The following PRMT7 variants were observed in gnomAD, a reference collection of about 807,000 sequenced individuals.
PRMT7 encodes the protein protein arginine N-methyltransferase 7.
Under a neutral mutation model 85.4 loss-of-function variants are expected in PRMT7, and 75 were observed. The ratio of observed to expected loss-of-function variants is 0.88; its 90% confidence interval spans 0.73 to 1.06. PRMT7 has a LOEUF of 1.06. PRMT7 is among the 50% of genes least tolerant of loss of function. PRMT7 has a pLI of 0.00. For synonymous variants in PRMT7, 397 were observed against 359.5 expected (o/e 1.10, Z -1.18); for missense variants, 868 against 915.2 (o/e 0.95, Z 0.67).
At position 68,348,418 on chromosome 16, in the gene PRMT7, T is replaced by G; in HGVS notation, c.1400T>G (p.Leu467Arg). The G allele has an allele frequency of 6.2e-7, 1 of 1,610,934 alleles. No individual in the cohort carries two copies. Among genetic ancestry groups the G allele is most frequent in the East Asian group, 2.2e-5 (1 of 44,862 alleles). Residue 467 changes from leucine to arginine, a missense_variant, in exon 14 of 19, where the codon CTA (leucine) becomes CGA (arginine). Coordinates refer to ENST00000441236, the MANE Select transcript of PRMT7 (RefSeq NM_019023.5). ...KRPELLTNEDLQGRKVSLLLG... is the reference protein window; with the variant it reads ...KRPELLTNEDRQGRKVSLLLG... Reference sequence around the variant, plus strand: ...CCGGAATTATTAACAAATGAGGACCTACAGGGCAGAAAGGTGAGTAGCGGG... The same window carrying G: ...CCGGAATTATTAACAAATGAGGACCGACAGGGCAGAAAGGTGAGTAGCGGG...
intron 3 of PRMT7, among the ~76,000 whole-genome samples, chr16:68,316,493 C>T (rs2081874676): frequency 6.6e-6 from 1 of 152,162 alleles, no homozygotes; most frequent in Admixed American, 6.5e-5. Context: ...TGGCCAGGCG[C>T]AGTGGCTCAC....
intron 3 of PRMT7, among the ~76,000 whole-genome samples, chr16:68,319,896 C>T (rs188383562): frequency 3.3e-5 from 5 of 152,256 alleles, no homozygotes; most frequent in South Asian, 4.1e-4. Context: ...ATCCCGACCC[C>T]GCCTGAGGGT....
intron 4 of PRMT7, chr16:68,321,669 CAAAT>C (rs1369034455): frequency 2.1e-6 from 1 of 487,270 alleles, no homozygotes; most frequent in African/African-American, 2.0e-5. Flanking sequence ...ATAGAACTGA[CAAAT>C]AAAAATGGTC....
chr16:68,337,816 A>T (rs927708814), intron 7 of PRMT7, among the ~76,000 whole-genome samples: 2 of 152,248 alleles, frequency 1.3e-5, no homozygotes, highest in African/African-American at 2.4e-5. Flanking sequence ...AAGTTCAGCA[A>T]ATATTCTCAG....
At chr16:68,331,904 G>T (rs911219351) in intron 6 of PRMT7, among the ~76,000 whole-genome samples, 11 of 151,888 alleles carry the variant, frequency 7.2e-5, no homozygotes, top group Non-Finnish European at 1.3e-4. Context: ...CTTATCTTCT[G>T]TTCCCACCAT....
In PRMT7 at chr16:68,339,550, C is replaced by T. The variant is rs764148997; in HGVS notation, c.733C>T (p.Leu245=). The part of the protein sequence containing the change: ...PADFTVLSDV[L]PMFSIDFSKQ... ...CGACTTTACAGTCCTCAGCGATGTG[C>T]TGCCCATGTTCAGGTACCAAGGAGC... The change falls in exon 8 of 19, where the codon CTG becomes TTG. Residue 245 remains leucine (L), a synonymous_variant. Transcript: ENST00000441236. 10 of 1,613,562 alleles carry T rather than the reference C, an allele frequency of 6.2e-6. No individual in the cohort carries two copies. The Admixed American group carries it at 1.7e-4, about 27-fold the overall frequency.
At chr16:68,337,428 A>G in intron 6 of PRMT7, 31 bp from the exon 7 acceptor site, 1 of 1,494,192 alleles carries the variant, frequency 6.7e-7, no homozygotes, top group Non-Finnish European at 9.3e-7. Flanking sequence ...TCTGTTGCTT[A>G]TGTCCAACTC....
chr16:68,311,226 G>T, intron 1 of PRMT7, 127 bp downstream of exon 1: 1 of 504,492 alleles, frequency 2.0e-6, no homozygotes, highest in Non-Finnish European at 3.6e-6. Context: ...TCCTCCGCGT[G>T]GGGCAGCTCG....
intron 16 of PRMT7, chr16:68,354,491 A>AT (rs1280683263): frequency 2.0e-5 from 3 of 152,182 alleles, no homozygotes; most frequent in African/African-American, 7.2e-5. Context: ...TTCTGCTCTC[A>AT]TTTTCCCATA....
chr16:68,331,641 A>C (rs545761878), intron 6 of PRMT7, among the ~76,000 whole-genome samples: 1 of 151,838 alleles, frequency 6.6e-6, no homozygotes, highest in South Asian at 2.1e-4. Context: ...CTAACTTAAA[A>C]AAAATTTTTT....
At chr16:68,328,400 G>A (rs2083393833) in intron 5 of PRMT7, 1 of 151,218 alleles carries the variant, frequency 6.6e-6, no homozygotes, top group African/African-American at 2.4e-5. Flanking sequence ...TATAAAGTGT[G>A]TCTTTCTGAG....
intron 14 of PRMT7, 24 bp downstream of exon 14, chr16:68,348,455 C>T (rs1052024100): frequency 7.0e-6 from 11 of 1,571,440 alleles, no homozygotes; most frequent in South Asian, 1.1e-5. Context: ...GCCTTTTGGC[C>T]ACGCTGGGCT....
chr16:68,339,572 G>A lies in PRMT7; in HGVS notation c.746+9G>A, dbSNP rs754751837. On this transcript the variant is annotated intron_variant, in intron 8 of 18. Transcript: ENST00000441236. ...GTGCTGCCCATGTTCAGGTACCAAG[G>A]AGCCACCATAGGTGATGGCGCTTTG... 4 of 1,612,420 alleles carry A rather than the reference G, an allele frequency of 2.5e-6. No individual in the cohort carries two copies. Among genetic ancestry groups the A allele is most frequent in the African/African-American group, 1.3e-5 (1 of 74,922 alleles).
intron 5 of PRMT7, among the ~76,000 whole-genome samples, chr16:68,326,477 C>G (rs1025695946): frequency 6.6e-6 from 1 of 152,202 alleles, no homozygotes; most frequent in Non-Finnish European, 1.5e-5. Context: ...AATTCCTGAT[C>G]TCAGGGGATC....
intron 4 of PRMT7, among the ~76,000 whole-genome samples, chr16:68,323,306 C>G (rs1310210807): frequency 4.0e-5 from 6 of 151,396 alleles, no homozygotes; most frequent in African/African-American, 7.3e-5. Context: ...GCAACCTCCA[C>G]CTCCCGAGTT....
Position 68,356,691 on chromosome 16 carries a change from T to A in PRMT7, c.1812-10T>A, listed in dbSNP as rs1235260702. Reference sequence around the variant, plus strand: ...TGACTACTTCTGCTGGGCCCCCCTCTCCTTGACAGGCCCGGGCAGAGCCAC... The same window carrying A: ...TGACTACTTCTGCTGGGCCCCCCTCACCTTGACAGGCCCGGGCAGAGCCAC... On this transcript the variant is annotated splice_polypyrimidine_tract_variant and intron_variant, in intron 17 of 18. Coordinates refer to ENST00000441236, the MANE Select transcript of PRMT7 (RefSeq NM_019023.5). 2 of 1,609,428 alleles carry A rather than the reference T, an allele frequency of 1.2e-6. No homozygotes were observed. Among genetic ancestry groups the A allele is most frequent in the Non-Finnish European group, 1.7e-6 (2 of 1,178,052 alleles).
chr16:68,359,349 G>T (rs1377620972), downstream of PRMT7: 1 of 152,436 alleles, frequency 6.6e-6, no homozygotes, highest in East Asian at 1.9e-4. Flanking sequence ...GAGCCCAGCA[G>T]GATGCTCGCC....
At chr16:68,355,644 GGGA>G in intron 16 of PRMT7, 76 bp from the exon 17 acceptor site, 1 of 1,376,884 alleles carries the variant, frequency 7.3e-7, no homozygotes, top group Non-Finnish European at 9.5e-7. Flanking sequence ...TGCAGTCAGT[GGGA>G]GCCAAGCCGG....
chr16:68,347,675 A>G lies in PRMT7; in HGVS notation c.1320A>G (p.Arg440=), dbSNP rs2086624180. The G allele has an allele frequency of 6.2e-7, 1 of 1,613,814 alleles. No individual in the cohort carries two copies. Among genetic ancestry groups the G allele is most frequent in the Non-Finnish European group, 8.5e-7 (1 of 1,179,798 alleles). The part of the protein sequence containing the change: ...ESSAASHKLL[R]KIFKANHLED... ...CAGCAGCTTCTCACAAACTGTTGAG[A>G]AAAGTAAGTGAGAATTGTTGTTGCT... The change falls in exon 13 of 19, where the codon AGA becomes AGG. Residue 440 remains arginine (R), a synonymous_variant. Coordinates refer to ENST00000441236, the MANE Select transcript of PRMT7 (RefSeq NM_019023.5).
Sources: allele counts gnomAD v4.1 joint callset (sites outside exome capture counted in the v4.1 genomes callset), GRCh38; gene constraint gnomAD v4.1.1; transcripts MANE v1.5; gene names NCBI Gene and HGNC (gene_info 2026-07-23, HGNC 2026-07-21).